The following UNC13C variants were observed in gnomAD, a reference collection of about 807,000 sequenced individuals.
UNC13C encodes unc-13 homolog C.
A neutral mutation model predicts 245.4 loss-of-function variants in UNC13C; 174 were observed. The ratio of observed to expected loss-of-function variants is 0.71; its 90% CI spans 0.63 to 0.80. The LOEUF is 0.80. UNC13C is among the 30% of genes least tolerant of loss of function. UNC13C has a pLI of 0.00. For synonymous variants in UNC13C, 992 were observed against 895.1 expected (o/e 1.11, Z -1.93); for missense variants, 2,829 against 2,602.9 (o/e 1.09, Z -1.89).
chr15:53,939,961 A>T, the UNC13C span, among the ~76,000 whole-genome samples: 1 of 152,098 alleles, frequency 6.6e-6, no homozygotes, highest in African/African-American at 2.4e-5. Flanking sequence ...TTGTTGGTTA[A>T]CTTTGCCATA....
At chr15:54,421,644 T>G (rs1258777415) in intron 19 of UNC13C, among the ~76,000 whole-genome samples, 1 of 152,096 alleles carries the variant, frequency 6.6e-6, no homozygotes, top group African/African-American at 2.4e-5. Flanking sequence ...AGAAAACCGC[T>G]GTGTGGAAGC....
At chr15:54,334,613 A>G (rs1230867072) in intron 16 of UNC13C, among the ~76,000 whole-genome samples, 1 of 152,116 alleles carries the variant, frequency 6.6e-6, no homozygotes, top group Non-Finnish European at 1.5e-5. Flanking sequence ...GAGAGACACA[A>G]AGGGAAACCA....
chr15:54,097,782 A>C (rs1431475283), intron 2 of UNC13C, among the ~76,000 whole-genome samples: 1 of 152,192 alleles, frequency 6.6e-6, no homozygotes, highest in East Asian at 1.9e-4. Context: ...TGATATTCTT[A>C]GATGATTGAT....
intron 2 of UNC13C, among the ~76,000 whole-genome samples, chr15:54,135,147 A>C (rs1231954735): frequency 6.6e-6 from 1 of 152,140 alleles, no homozygotes; most frequent in Non-Finnish European, 1.5e-5. Flanking sequence ...CCCCTTGCCA[A>C]TTTATTAATC....
intron 7 of UNC13C, among the ~76,000 whole-genome samples, chr15:54,245,533 T>G (rs543766133): frequency 6.6e-6 from 1 of 152,180 alleles, no homozygotes; most frequent in Admixed American, 6.5e-5. Flanking sequence ...TTTTAGCTCC[T>G]ATAGTCAATC....
chr15:53,874,480 G>T, the UNC13C span, among the ~76,000 whole-genome samples: 1 of 152,108 alleles, frequency 6.6e-6, no homozygotes, highest in Non-Finnish European at 1.5e-5. Context: ...AGACACCATG[G>T]ACTATGCCTT....
chr15:54,500,688 AATG>A, intron 21 of UNC13C, 144 bp from the exon 22 acceptor site: 1 of 643,514 alleles, frequency 1.6e-6, no homozygotes. Context: ...AAAGGAGATT[AATG>A]ATTTTAAAGT....
intron 23 of UNC13C, among the ~76,000 whole-genome samples, chr15:54,510,072 A>G (rs1422131107): frequency 6.6e-6 from 1 of 152,150 alleles, no homozygotes; most frequent in Non-Finnish European, 1.5e-5. Context: ...AGCTAGTACT[A>G]GGGTCCTGTT....
the UNC13C span, among the ~76,000 whole-genome samples, chr15:53,868,698 G>A: frequency 1.3e-5 from 2 of 152,142 alleles, no homozygotes; most frequent in Admixed American, 1.3e-4. Context: ...TGACCCATGC[G>A]GTCTGGAGGG....
At position 54,569,104 on chromosome 15, in the gene UNC13C, T is replaced by C. The variant is rs141936660; in HGVS notation, c.6106+1157T>C. On this transcript the variant is annotated intron_variant, in intron 30 of 32. Transcript: ENST00000260323. ...AACTTTATAAATACGAATACAATTC[T>C]AATATATCAAATAAATAGTGTTGTA... Among the ~76,000 whole-genome samples the C allele has an allele frequency of 1.1e-4, 17 of 152,288 alleles. No homozygotes were observed. In the East Asian group the frequency reaches 3.3e-3, roughly 29 times the overall value.
At chr15:54,593,998 T>A (rs1011264754) in intron 30 of UNC13C, among the ~76,000 whole-genome samples, 10 of 152,162 alleles carry the variant, frequency 6.6e-5, no homozygotes, top group African/African-American at 1.7e-4. Flanking sequence ...CTGTTCTGAT[T>A]TTTTTGTGCC....
At chr15:54,345,158 G>A (rs2038832015) in intron 17 of UNC13C, among the ~76,000 whole-genome samples, 1 of 152,202 alleles carries the variant, frequency 6.6e-6, no homozygotes, top group Admixed American at 6.5e-5. Context: ...GTGCAGGGAA[G>A]TAATGTGAGC....
At chr15:54,511,641 C>G in intron 23 of UNC13C, 112 bp from the exon 24 acceptor site, 1 of 704,544 alleles carries the variant, frequency 1.4e-6, no homozygotes, top group Non-Finnish European at 2.4e-6. Context: ...GTATATACAT[C>G]TAATATAATA....
intron 26 of UNC13C, among the ~76,000 whole-genome samples, chr15:54,533,828 G>C (rs1895867963): frequency 6.6e-6 from 1 of 152,070 alleles, no homozygotes; most frequent in Non-Finnish European, 1.5e-5. Context: ...GTTGGGATTG[G>C]GAATCATTGA....
At chr15:54,297,254 A>T (rs1402016460) in intron 11 of UNC13C, among the ~76,000 whole-genome samples, 2 of 152,132 alleles carry the variant, frequency 1.3e-5, no homozygotes, top group South Asian at 4.1e-4. Context: ...GGGTCTTCTG[A>T]TTAGTTTTTT....
At chr15:54,241,202 G>A (rs752498497) in intron 7 of UNC13C, among the ~76,000 whole-genome samples, 4 of 152,104 alleles carry the variant, frequency 2.6e-5, no homozygotes, top group African/African-American at 9.7e-5. Flanking sequence ...GGTTCTGTCT[G>A]GGTTGATGGG....
chr15:53,954,670 C>G, the UNC13C span, among the ~76,000 whole-genome samples: 2 of 152,036 alleles, frequency 1.3e-5, no homozygotes, highest in African/African-American at 2.4e-5. Flanking sequence ...TTAGATTGGC[C>G]TGTTACAGAG....
At chr15:54,147,714 G>GTGTT (rs888729216) in intron 4 of UNC13C, among the ~76,000 whole-genome samples, 6 of 149,818 alleles carry the variant, frequency 4.0e-5, no homozygotes. Flanking sequence ...GGGTGTGTGT[G>GTGTT]TGTGTGTGTA....
chr15:54,476,732 T>A (rs1453421305), intron 19 of UNC13C, among the ~76,000 whole-genome samples: 4 of 149,598 alleles, frequency 2.7e-5, no homozygotes. Flanking sequence ...TAGTTTGAAG[T>A]CAGGTAGCAT....
Sources: gnomAD v4.1 joint callset for allele counts (sites outside exome capture counted in the v4.1 genomes callset) on GRCh38, gnomAD v4.1.1 for gene constraint, MANE v1.5 for transcripts, NCBI Gene and HGNC (gene_info 2026-07-23, HGNC 2026-07-21) for gene names.